TUB: variants seen among roughly 807,000 people sequenced by gnomAD.
TUB encodes the protein tubby protein homolog.
TUB carries 33 observed loss-of-function variants against 59.7 expected under a neutral mutation model. The observed-to-expected ratio is 0.55, with a 90% CI of 0.42 to 0.74. The LOEUF (loss-of-function observed/expected upper bound fraction) is 0.74. Ranked by LOEUF, TUB falls within the 30% of genes least tolerant of loss-of-function variation. The probability of loss-of-function intolerance (pLI) is 0.00; values close to 1 mark genes in which losing one functional copy is unlikely to be tolerated. For missense variants in TUB, 659 were observed against 672.0 expected, an observed-to-expected ratio of 0.98 and a Z score of 0.21; for synonymous variants, 293 against 256.4, an observed-to-expected ratio of 1.14 and a Z score of -1.36.
At chr11:8,061,671 T>C (rs1943130381) in intron 2 of TUB, among the ~76,000 whole-genome samples, 1 of 152,094 alleles carries the variant, frequency 6.6e-6, no homozygotes, top group Non-Finnish European at 1.5e-5. Flanking sequence ...CTGCATACAC[T>C]GGACCCTCCT....
At chr11:8,098,661 G>C in intron 8 of TUB, 97 bp from the exon 9 acceptor site, 1 of 879,174 alleles carries the variant, frequency 1.1e-6, no homozygotes, top group Non-Finnish European at 1.8e-6. Context: ...TTCCAGCCCA[G>C]AATGTTTTGC....
chr11:8,095,545 G>C lies in TUB; in HGVS notation c.445G>C (p.Gly149Arg). 6.2e-7 allele frequency: 1 copy of C among 1,613,152 alleles called. No homozygotes were observed. Among genetic ancestry groups the C allele is most frequent in the Non-Finnish European group, 8.5e-7 (1 of 1,179,974 alleles). ...ALAEDKSEAQGPVQILTVGQS... is the reference protein window; with the variant it reads ...ALAEDKSEAQRPVQILTVGQS... ...GGCAGAAGACAAGTCTGAGGCCCAA[G>C]GCCCAGTGCAGATTCTGACTGTGGG... Residue 149 changes from glycine (G) to arginine (R), a missense_variant, in exon 5 of 12, where the codon GGC becomes CGC. Physicochemically the swap from Gly to Arg is moderately radical, Grantham distance 125. This residue lies in a region of TUB where 321 missense variants were observed against 304.3 expected (regional missense o/e 1.05). Coordinates refer to ENST00000299506, the MANE Select transcript of TUB (RefSeq NM_177972.3).
intron 2 of TUB, among the ~76,000 whole-genome samples, chr11:8,065,672 G>A (rs985437738): frequency 6.6e-6 from 1 of 152,190 alleles, no homozygotes; most frequent in Non-Finnish European, 1.5e-5. Context: ...CGAGGTGGAG[G>A]GTAAAGGAAG....
intron 1 of TUB, among the ~76,000 whole-genome samples, chr11:8,019,560 C>T (rs1006351971): frequency 1.3e-5 from 2 of 152,110 alleles, no homozygotes; most frequent in Admixed American, 6.5e-5. Context: ...TCCCCACACC[C>T]ACGGGGCAGA....
chr11:8,081,566 CG>C lies in TUB; in HGVS notation c.38+22del. Reference sequence around the variant, plus strand: ...CCCTACAGGTACGCGGGCGCCGGGCCGGGGCGCCCACCACTCCCGACTCGGG... The same window carrying C: ...CCCTACAGGTACGCGGGCGCCGGGCCGGGCGCCCACCACTCCCGACTCGGG... On this transcript the variant is annotated intron_variant, in intron 1 of 11. Coordinates refer to ENST00000299506, the MANE Select transcript of TUB (RefSeq NM_177972.3). The C allele has an allele frequency of 2.0e-6, 3 of 1,525,520 alleles. No individual in the cohort carries two copies. The highest frequency in any genetic ancestry group is 8.8e-7 in the Non-Finnish European group (1 of 1,140,070). 94.5% of individuals were successfully genotyped at this position (1,525,520 alleles called of 1,614,324 possible). A position where few individuals can be genotyped will look rare whatever the true frequency, so the allele number is the denominator to read the frequency against.
chr11:8,091,620 C>T lies in TUB; in HGVS notation c.253+1389C>T, dbSNP rs556368167. Among the ~76,000 whole-genome samples the T allele has an allele frequency of 1.5e-3, 234 of 152,312 alleles. 3 individuals carry two copies. Among genetic ancestry groups the T allele is most frequent in the Non-Finnish European group, 4.6e-4 (31 of 68,036 alleles). ...ATGTTGCCTCCCTGATGAAAAGCTC[C>T]TTCATGCTAATTCCCCTGTGTGTGT... On this transcript the variant is annotated intron_variant, in intron 3 of 11. Transcript: ENST00000299506.
chr11:8,094,928 C>T (rs1242570667), intron 4 of TUB, among the ~76,000 whole-genome samples: 6 of 152,228 alleles, frequency 3.9e-5, no homozygotes, highest in Admixed American at 6.5e-5. Context: ...TGGGTCAGGC[C>T]TTGCTTCTGT....
intron 1 of TUB, among the ~76,000 whole-genome samples, chr11:8,084,723 T>G (rs1039051545): frequency 4.6e-5 from 7 of 151,980 alleles, no homozygotes; most frequent in African/African-American, 1.7e-4. Flanking sequence ...CATCCCGGGA[T>G]AGCCTCTAGG....
At chr11:8,097,871 G>A (rs999777859) in intron 8 of TUB, 45 bp downstream of exon 8, 2 of 1,457,442 alleles carry the variant, frequency 1.4e-6, no homozygotes, top group African/African-American at 1.4e-5. Context: ...GGAGGGAGGG[G>A]CAGGGGCAAG....
At position 8,027,310 on chromosome 11, in the gene TUB, C is replaced by G. The variant is rs368504245; in HGVS notation, c.56+7952C>G. Among the ~76,000 whole-genome samples the G allele has an allele frequency of 2.0e-5, 3 of 152,276 alleles. No individual in the cohort carries two copies. In the South Asian group the frequency reaches 6.2e-4, roughly 32 times the overall value. ...CTGGCCCCTGGTAACCTCTAATCTA[C>G]TTTCTGTCTCTATAAATTGCCTATT... On this transcript the variant is annotated intron_variant, in intron 1 of 11. Transcript: ENST00000534099.
At chr11:8,052,464 C>A (rs1942947436) in intron 2 of TUB, among the ~76,000 whole-genome samples, 1 of 128,212 alleles carries the variant, frequency 7.8e-6, no homozygotes, top group South Asian at 2.5e-4. Flanking sequence ...GTGAATAGGA[C>A]CTTTTTTTTT....
At chr11:8,082,284 A>G (rs981196332) in intron 1 of TUB, among the ~76,000 whole-genome samples, 11 of 152,176 alleles carry the variant, frequency 7.2e-5, no homozygotes, top group African/African-American at 7.2e-5. Flanking sequence ...ATCCAGGCAC[A>G]CTCAGGGAAG....
chr11:8,101,193 T>A (rs1231253373), intron 11 of TUB, among the ~76,000 whole-genome samples, 196 bp downstream of exon 11: 1 of 152,194 alleles, frequency 6.6e-6, no homozygotes, highest in Non-Finnish European at 1.5e-5. Context: ...GCCCTGGTCC[T>A]AGATTCTGTG....
At chr11:8,101,267 T>C (rs1212623202) in intron 11 of TUB, among the ~76,000 whole-genome samples, 2 of 152,222 alleles carry the variant, frequency 1.3e-5, no homozygotes, top group African/African-American at 2.4e-5. Flanking sequence ...TTCTGTCCCC[T>C]GGTGTTCACA....
intron 2 of TUB, among the ~76,000 whole-genome samples, chr11:8,051,305 A>G (rs1007209181): frequency 6.6e-6 from 1 of 152,210 alleles, no homozygotes; most frequent in African/African-American, 2.4e-5. Context: ...TTCATGTAAC[A>G]TACTTTCCCA....
upstream of TUB, chr11:8,077,564 C>G (rs772885887): frequency 6.6e-6 from 1 of 152,198 alleles, no homozygotes; most frequent in South Asian, 2.1e-4. Context: ...GTAACTGTTA[C>G]GTTTCCCTCT....
At chr11:8,023,371 C>T (rs1050145861) in intron 1 of TUB, among the ~76,000 whole-genome samples, 1 of 152,178 alleles carries the variant, frequency 6.6e-6, no homozygotes, top group Non-Finnish European at 1.5e-5. Flanking sequence ...AATATGATGC[C>T]TACATTTTTA....
rs1944364737 is a variant in TUB, at chr11:8,102,882, G to T, written c.*1263G>T. 6.9e-6 allele frequency: 1 copy of T among 145,660 alleles called. No homozygotes were observed. The highest frequency in any genetic ancestry group is 7.0e-5 in the Admixed American group (1 of 14,198). 9.0% of individuals were successfully genotyped at this position (145,660 alleles called of 1,614,324 possible). ...TTCTCTTGATTTCTTTGTTCCCACT[G>T]TCCCCCAAGAAACTAGTATCTCTGG... On this transcript the variant is annotated 3_prime_UTR_variant, in exon 12 of 12. Transcript: ENST00000299506.
At chr11:8,037,294 C>A (rs772335754), upstream of TUB, among the ~76,000 whole-genome samples, 1 of 152,216 alleles carries the variant, frequency 6.6e-6, no homozygotes, top group Non-Finnish European at 1.5e-5. Flanking sequence ...CCTTTCCTTT[C>A]TCTGAGCCTG....
Sources: allele counts gnomAD v4.1 joint callset (sites outside exome capture counted in the v4.1 genomes callset), GRCh38; gene constraint gnomAD v4.1.1; regional missense constraint gnomAD v4.1.1; transcripts MANE v1.5; gene names NCBI Gene and HGNC (gene_info 2026-07-23, HGNC 2026-07-21).